Variants in CACNA1H observed in about 807,000 individuals in gnomAD.
The protein encoded by CACNA1H is calcium voltage-gated channel subunit alpha1 H, also known as voltage-dependent T-type calcium channel subunit alpha-1H.
CACNA1H carries 149 observed loss-of-function variants against 192.5 expected under a neutral mutation model. The observed-to-expected ratio is 0.77, with a 90% CI of 0.68 to 0.89. The LOEUF (loss-of-function observed/expected upper bound fraction) is 0.89. CACNA1H is among the 40% of genes least tolerant of loss of function. The probability of loss-of-function intolerance (pLI) is 0.00; values close to 1 mark genes in which losing one functional copy is unlikely to be tolerated. For missense variants in CACNA1H, 4,257 were observed against 3,423.5 expected (o/e 1.24, Z -6.08); for synonymous variants, 2,202 against 1,475.2 (o/e 1.49, Z -11.29).
chr16:1,210,541 G>A (rs760627484), intron 19 of CACNA1H, 42 bp from the exon 20 acceptor site: 4 of 1,610,372 alleles, frequency 2.5e-6, no homozygotes, highest in Non-Finnish European at 1.7e-6. Flanking sequence ...CCCCCAGGGA[G>A]GGGTGGAGTG....
At chr16:1,153,559 T>A (rs1328129213) in intron 1 of CACNA1H, 89 bp downstream of exon 1, 1 of 205,562 alleles carries the variant, frequency 4.9e-6, no homozygotes, top group Non-Finnish European at 7.0e-6. Context: ...GTGGGGCCGC[T>A]GGAGGGAGGG....
At chr16:1,157,188 C>T (rs1403156972) in intron 2 of CACNA1H, 3 of 152,114 alleles carry the variant, frequency 2.0e-5, no homozygotes, top group Non-Finnish European at 2.9e-5. Flanking sequence ...CTGCTTCGGT[C>T]CCTGCGAGAG....
chr16:1,170,992 A>G (rs1964310413), intron 2 of CACNA1H, among the ~76,000 whole-genome samples: 1 of 151,936 alleles, frequency 6.6e-6, no homozygotes, highest in South Asian at 2.1e-4. Context: ...GTGTCAGGAC[A>G]GGGCAGATCC....
intron 2 of CACNA1H, among the ~76,000 whole-genome samples, chr16:1,177,393 C>T (rs1033166926): frequency 3.9e-5 from 6 of 152,198 alleles, no homozygotes; most frequent in African/African-American, 9.7e-5. Context: ...TGGTACGGTG[C>T]GGGGACGGCG....
chr16:1,175,208 A>G (rs1422103774), intron 2 of CACNA1H, among the ~76,000 whole-genome samples: 2 of 152,068 alleles, frequency 1.3e-5, no homozygotes, highest in African/African-American at 4.8e-5. Context: ...TACTGTGCGC[A>G]CAGGTTAATG....
At chr16:1,171,956 G>A (rs973492011) in intron 2 of CACNA1H, among the ~76,000 whole-genome samples, 9 of 152,246 alleles carry the variant, frequency 5.9e-5, no homozygotes, top group African/African-American at 1.4e-4. Flanking sequence ...GCGCCAGGAC[G>A]GACGCTGGGG....
At position 1,202,107 on chromosome 16, in the gene CACNA1H, G is replaced by T; in HGVS notation, c.1657G>T (p.Ala553Ser). Residue 553 changes from alanine (A) to serine (S), a missense_variant, in exon 9 of 35, where the codon GCT becomes TCT. By Grantham distance (99) the Ala-to-Ser change is moderately conservative. Coordinates refer to ENST00000348261, the MANE Select transcript of CACNA1H (RefSeq NM_021098.3). ...CGCCTGCGACACCAGGCTGGTCCGA[G>T]CTGGCGCGCCCCCCTCGCCACCTTC... Reference protein sequence around the residue: ...PGACDTRLVRAGAPPSPPSPG... With the variant: ...PGACDTRLVRSGAPPSPPSPG... 1 of 1,545,726 alleles carries T rather than the reference G, an allele frequency of 6.5e-7. No homozygotes were observed. Among genetic ancestry groups the T allele is most frequent in the Non-Finnish European group, 8.7e-7 (1 of 1,145,738 alleles).
chr16:1,206,384 T>C, intron 12 of CACNA1H, 95 bp downstream of exon 12: 1 of 1,186,318 alleles, frequency 8.4e-7, no homozygotes, highest in Non-Finnish European at 1.2e-6. Flanking sequence ...GAAGGAGCCC[T>C]CCCACCAGCA....
At chr16:1,195,821 C>T (rs535337528) in intron 4 of CACNA1H, 105 bp from the exon 5 acceptor site, 16 of 991,556 alleles carry the variant, frequency 1.6e-5, no homozygotes, top group Non-Finnish European at 2.6e-5. Context: ...CCTCCGGGTG[C>T]CGGGCTGGCC....
intron 2 of CACNA1H, among the ~76,000 whole-genome samples, chr16:1,181,829 C>G (rs1397303995): frequency 2.6e-5 from 4 of 152,076 alleles, no homozygotes; most frequent in Non-Finnish European, 4.4e-5. Flanking sequence ...TGAGCCCGGC[C>G]CATGCACACA....
intron 2 of CACNA1H, among the ~76,000 whole-genome samples, chr16:1,165,921 G>A (rs977312527): frequency 1.2e-4 from 18 of 152,278 alleles, no homozygotes; most frequent in South Asian, 4.1e-4. Context: ...GGCCCGGCCC[G>A]GCCGTGTGGG....
rs754802770 is a variant in CACNA1H, at chr16:1,218,547, C to G, written c.5783C>G (p.Pro1928Arg). 1.3e-6 allele frequency: 2 copies of G among 1,560,248 alleles called. No homozygotes were observed. The highest frequency in any genetic ancestry group is 2.4e-5 in the South Asian group (2 of 84,672). The change falls in exon 33 of 35, where the codon CCC becomes CGC. Residue 1928 changes from proline to arginine, a missense_variant. By Grantham distance (103) the Pro-to-Arg change is moderately radical. Transcript: ENST00000348261. The part of the protein sequence containing the change: ...KVSVSRMLSL[P>R]NDSYMFRPVV... ...TCCGTGTCCAGGATGCTCTCGCTGC[C>G]CAACGACAGCTACATGTTCAGGCCC... is the stretch of plus-strand genomic sequence containing the variant.
Position 1,200,291 on chromosome 16 carries a change from A to T in CACNA1H, c.839A>T (p.Gln280Leu). Residue 280 changes from glutamine (Q) to leucine (L), a missense_variant, in exon 7 of 35, where the codon CAG (glutamine) becomes CTG (leucine). Gln to Leu is a moderately radical substitution (Grantham distance 113, BLOSUM62 -2). Transcript: ENST00000348261. Reference protein sequence around the residue: ...NNLTFLRPYYQTEEGEENPFI... With the variant: ...NNLTFLRPYYLTEEGEENPFI... ...CTGACCTTCCTGCGGCCGTACTACC[A>T]GACGGAGGAGGGCGAGGAGAACCCG... 10 of 1,605,548 alleles carry T rather than the reference A, an allele frequency of 6.2e-6. No homozygotes were observed. Among genetic ancestry groups the T allele is most frequent in the Non-Finnish European group, 8.5e-6 (10 of 1,176,232 alleles).
Position 1,220,085 on chromosome 16 carries a change from G to A in CACNA1H, c.6153G>A (p.Gln2051=). The A allele has an allele frequency of 6.8e-7, 1 of 1,460,406 alleles. No homozygotes were observed. The allele number at this position is 1,460,406 out of a possible 1,614,324, so 90.5% of individuals were successfully genotyped here. Reference sequence around the variant, plus strand: ...AAACCCCGGTGAGGCCGGTGACCCAGGGGGGCTCCCTGCAGTCCCCACCAC... The same window carrying A: ...AAACCCCGGTGAGGCCGGTGACCCAAGGGGGCTCCCTGCAGTCCCCACCAC... The part of the protein sequence containing the change: ...GEKTPVRPVT[Q]GGSLQSPPRS... Residue 2051 remains glutamine, a synonymous_variant, in exon 35 of 35, where the codon CAG becomes CAA. Coordinates refer to ENST00000348261, the MANE Select transcript of CACNA1H (RefSeq NM_021098.3).
rs114755563 is a variant in CACNA1H at position 1,205,894 on chromosome 16, C to T, written c.2604-210C>T. ...TTCTTTCCCAGGGGGCACTGGGGGC[C>T]GGGTAGCCCCCGGGGCCATCAGCGG... On this transcript the variant is annotated intron_variant, in intron 11 of 34. Coordinates refer to ENST00000348261, the MANE Select transcript of CACNA1H (RefSeq NM_021098.3). Among the ~76,000 whole-genome samples, 884 of 152,304 alleles carry T rather than the reference C, an allele frequency of 5.8e-3. 11 individuals carry two copies. The highest frequency in any genetic ancestry group is 0.02 in the African/African-American group (828 of 41,568).
At chr16:1,158,709 G>A (rs934454360) in intron 2 of CACNA1H, among the ~76,000 whole-genome samples, 1 of 152,176 alleles carries the variant, frequency 6.6e-6, no homozygotes, top group Non-Finnish European at 1.5e-5. Context: ...CGCTTCTGCG[G>A]CCGGGGCTGC....
rs781773656 is a variant in CACNA1H at position 1,207,391 on chromosome 16, C to T, written c.3024C>T (p.Asn1008=). 2.5e-6 allele frequency: 4 copies of T among 1,613,302 alleles called. No individual in the cohort carries two copies. Among genetic ancestry groups the T allele is most frequent in the Non-Finnish European group, 2.5e-6 (3 of 1,179,824 alleles). Reference sequence around the variant, plus strand: ...CCTTCGGCAACTATGTGCTCTTCAACCTGCTGGTGGCCATCCTCGTGGAGG... The same window carrying T: ...CCTTCGGCAACTATGTGCTCTTCAATCTGCTGGTGGCCATCCTCGTGGAGG... ...LMTFGNYVLF[N]LLVAILVEGF... is the part of the protein sequence containing the mutation. The change falls in exon 14 of 35, where the codon AAC becomes AAT. Residue 1008 remains asparagine (N), a synonymous_variant. Transcript: ENST00000348261.
chr16:1,213,386 G>C (rs1449973925), intron 26 of CACNA1H, among the ~76,000 whole-genome samples: 2 of 152,022 alleles, frequency 1.3e-5, no homozygotes, highest in East Asian at 1.9e-4. Flanking sequence ...GGAGCTCCAG[G>C]GGGGCGGGCC....
intron 25 of CACNA1H, 29 bp from the exon 26 acceptor site, chr16:1,212,482 G>T (rs773485022): frequency 1.9e-6 from 3 of 1,607,648 alleles, no homozygotes; most frequent in South Asian, 1.1e-5. Flanking sequence ...CACGCCCTCG[G>T]CCCTCAGACC....
Sources: allele counts gnomAD v4.1 joint callset (sites outside exome capture counted in the v4.1 genomes callset), GRCh38; gene constraint gnomAD v4.1.1; transcripts MANE v1.5; gene names NCBI Gene and HGNC (gene_info 2026-07-23, HGNC 2026-07-21).